DLGAP1: variants seen among roughly 807,000 people sequenced by gnomAD.
The protein encoded by DLGAP1 is DLG associated protein 1, also known as disks large-associated protein 1.
In DLGAP1, 11 loss-of-function variants were observed where a neutral mutation model predicts 90.8. The observed-to-expected ratio is 0.12, with a 90% CI of 0.08 to 0.20. The LOEUF (loss-of-function observed/expected upper bound fraction) is 0.20, where lower values mean the gene tolerates loss of function less well. DLGAP1 is among the 10% of genes least tolerant of loss of function. The probability of loss-of-function intolerance (pLI) is 1.00; values close to 1 mark genes in which losing one functional copy is unlikely to be tolerated. For missense variants in DLGAP1, 1,050 were observed against 1,333.8 expected (o/e 0.79, Z 3.31); for synonymous variants, 558 against 540.7 (o/e 1.03, Z -0.44).
intron 7 of DLGAP1, chr18:3,708,211 T>C: frequency 2.9e-6 from 1 of 349,728 alleles, no homozygotes; most frequent in Non-Finnish European, 5.7e-6. Flanking sequence ...TTCACCATGT[T>C]GGCCAGGCTG....
chr18:4,099,349 G>A (rs72872631), intron 2 of DLGAP1, among the ~76,000 whole-genome samples: 33 of 82,330 alleles, frequency 4.0e-4, no homozygotes, highest in East Asian at 8.0e-4. Flanking sequence ...CTATCTATCT[G>A]TCTGTCTGTC....
intron 1 of DLGAP1, among the ~76,000 whole-genome samples, chr18:4,190,392 C>A (rs780313328): frequency 6.6e-6 from 1 of 151,952 alleles, no homozygotes; most frequent in Non-Finnish European, 1.5e-5. Flanking sequence ...GGTTGAAGTA[C>A]AAGAAAACTT....
rs7244436 is a variant in DLGAP1, at chr18:3,974,451, T to C, written c.-73+30665A>G. Among the ~76,000 whole-genome samples the C allele has an allele frequency of 3.4e-3, 515 of 152,332 alleles. 5 individuals are homozygous for C. Among genetic ancestry groups the C allele is most frequent in the African/African-American group, 0.012 (482 of 41,580 alleles). ...AAATATTTTCAAAAGAACTTTTAAC[T>C]TCCTAAGGGAAGCTTCAGATTTCAA... On this transcript the variant is annotated intron_variant, in intron 3 of 12. Coordinates refer to ENST00000315677, the MANE Select transcript of DLGAP1 (RefSeq NM_004746.4).
In DLGAP1 at chr18:3,576,865, CT is replaced by C. The variant is rs76912483; in HGVS notation, c.1965+5009del. On this transcript the variant is annotated intron_variant, in intron 8 of 12. Coordinates refer to ENST00000315677, the MANE Select transcript of DLGAP1 (RefSeq NM_004746.4). ...ACAGGCGTGAGCCACTACGCCCGGC[CT>C]TTTTTTTTTTCTTGAGACGGCGTTT... Among the ~76,000 whole-genome samples, 126 of 130,966 alleles carry C rather than the reference CT, an allele frequency of 9.6e-4. 1 individual carries two copies. Among genetic ancestry groups the C allele is most frequent in the African/African-American group, 2.2e-3 (78 of 35,396 alleles). The allele number at this position is 130,966 out of a possible 152,430, so 85.9% of individuals were successfully genotyped here. A position where few individuals can be genotyped will look rare whatever the true frequency, so the allele number is the denominator to read the frequency against.
At chr18:4,200,903 A>AT (rs2077594777) in intron 1 of DLGAP1, among the ~76,000 whole-genome samples, 1 of 152,118 alleles carries the variant, frequency 6.6e-6, no homozygotes, top group African/African-American at 2.4e-5. Flanking sequence ...CAGAGGTGGG[A>AT]AATATAGGGA....
intron 2 of DLGAP1, among the ~76,000 whole-genome samples, chr18:4,026,225 C>A (rs2074696665): frequency 6.6e-6 from 1 of 152,174 alleles, no homozygotes; most frequent in Non-Finnish European, 1.5e-5. Flanking sequence ...TAGAAAAAGG[C>A]TTCTGAACTG....
chr18:4,287,433 T>C (rs1309614162), intron 1 of DLGAP1, among the ~76,000 whole-genome samples: 4 of 152,128 alleles, frequency 2.6e-5, no homozygotes, highest in African/African-American at 7.2e-5. Flanking sequence ...CTATTTACAA[T>C]AGCAAAGACT....
At chr18:3,964,076 C>A (rs537292342) in intron 3 of DLGAP1, among the ~76,000 whole-genome samples, 2 of 152,188 alleles carry the variant, frequency 1.3e-5, no homozygotes, top group Admixed American at 1.3e-4. Flanking sequence ...GGCGTCATTC[C>A]TAAGATAAAA....
At chr18:4,321,332 G>C (rs977549552) in intron 1 of DLGAP1, among the ~76,000 whole-genome samples, 10 of 152,142 alleles carry the variant, frequency 6.6e-5, no homozygotes, top group African/African-American at 2.4e-4. Flanking sequence ...CCTGTTACTA[G>C]ATTTTATGAT....
At chr18:4,134,341 T>TG (rs554484356) in intron 2 of DLGAP1, among the ~76,000 whole-genome samples, 1 of 152,046 alleles carries the variant, frequency 6.6e-6, no homozygotes, top group East Asian at 1.9e-4. Flanking sequence ...GGCGGGAGGT[T>TG]GGGGGGACTT....
At chr18:4,272,312 T>A (rs1339860823) in intron 1 of DLGAP1, among the ~76,000 whole-genome samples, 1 of 152,154 alleles carries the variant, frequency 6.6e-6, no homozygotes, top group Non-Finnish European at 1.5e-5. Flanking sequence ...CAGTATAAGG[T>A]GTGATGTGAA....
intron 1 of DLGAP1, among the ~76,000 whole-genome samples, chr18:4,320,159 A>G (rs910064583): frequency 1.3e-5 from 2 of 152,176 alleles, no homozygotes; most frequent in Non-Finnish European, 2.9e-5. Context: ...ATTATGAGAA[A>G]GACAGAGTGA....
chr18:3,717,113 A>G (rs1162911528), intron 7 of DLGAP1, among the ~76,000 whole-genome samples: 2 of 139,408 alleles, frequency 1.4e-5, no homozygotes, highest in East Asian at 2.1e-4. Flanking sequence ...GCTTTATACT[A>G]TCTTGTAAGC....
chr18:3,552,451 G>T (rs28576349), intron 9 of DLGAP1, among the ~76,000 whole-genome samples: 18,553 of 151,986 alleles, frequency 0.12, 1,945 homozygotes, highest in African/African-American at 0.29. Flanking sequence ...GCAAAATCCC[G>T]GATGTCAGCA....
intron 5 of DLGAP1, among the ~76,000 whole-genome samples, chr18:3,781,592 A>T (rs1046456917): frequency 4.6e-5 from 7 of 152,034 alleles, no homozygotes; most frequent in African/African-American, 1.7e-4. Context: ...TGACTTTGTG[A>T]TCTGCCCGTC....
intron 1 of DLGAP1, among the ~76,000 whole-genome samples, chr18:4,202,471 C>T (rs1258134787): frequency 6.6e-6 from 1 of 152,046 alleles, no homozygotes; most frequent in Non-Finnish European, 1.5e-5. Context: ...ACCCCTTGTA[C>T]CCCTAAAACT....
intron 10 of DLGAP1, among the ~76,000 whole-genome samples, chr18:3,514,929 G>A (rs1351162414): frequency 6.6e-6 from 1 of 152,024 alleles, no homozygotes; most frequent in Non-Finnish European, 1.5e-5. Flanking sequence ...TTTTTGTAGA[G>A]ACAGGATCTC....
Position 3,922,428 on chromosome 18 carries a change from C to T in DLGAP1, c.-72-42288G>A, listed in dbSNP as rs550679740. Among the ~76,000 whole-genome samples, 41 of 152,216 alleles carry T rather than the reference C, an allele frequency of 2.7e-4. No homozygotes were observed. In the South Asian group the frequency reaches 8.5e-3, roughly 32 times the overall value. ...TTGTGCGTGTTTAAGATGAAATGCT[C>T]ATGTATTACTCTCTAGGGATAAAGG... On this transcript the variant is annotated intron_variant, in intron 3 of 12. Coordinates refer to ENST00000315677, the MANE Select transcript of DLGAP1 (RefSeq NM_004746.4).
intron 4 of DLGAP1, among the ~76,000 whole-genome samples, chr18:3,814,574 G>C (rs1335727155): frequency 6.6e-6 from 1 of 151,990 alleles, no homozygotes; most frequent in Non-Finnish European, 1.5e-5. Context: ...TGTTAGCCAG[G>C]ATGGTCTTAA....
Sources: allele counts gnomAD v4.1 joint callset (sites outside exome capture counted in the v4.1 genomes callset), GRCh38; gene constraint gnomAD v4.1.1; transcripts MANE v1.5; gene names NCBI Gene and HGNC (gene_info 2026-07-23, HGNC 2026-07-21).